Variants in MCTP1 observed in about 807,000 individuals in gnomAD.
MCTP1 encodes the protein multiple C2 and transmembrane domain containing 1, also known as multiple C2 and transmembrane domain-containing protein 1.
Under a neutral mutation model 120.6 loss-of-function variants are expected in MCTP1, and 69 were observed. The observed-to-expected ratio is 0.57, with a 90% CI of 0.47 to 0.70. MCTP1 has a LOEUF of 0.70. MCTP1 is among the 30% of genes least tolerant of loss of function. The pLI is 0.00. For missense variants in MCTP1, 1,203 were observed against 1,248.8 expected, an observed-to-expected ratio of 0.96 and a Z score of 0.55; for synonymous variants, 529 against 493.1, an observed-to-expected ratio of 1.07 and a Z score of -0.96.
At chr5:95,281,320 T>A (rs556317327) in intron 1 of MCTP1, among the ~76,000 whole-genome samples, 1 of 152,340 alleles carries the variant, frequency 6.6e-6, no homozygotes, top group South Asian at 2.1e-4. Context: ...GCTGAATGCA[T>A]CCCCTTCCAG....
rs761206341 is a variant in MCTP1, at chr5:94,710,850, C to T, written c.2798G>A (p.Cys933Tyr). Reference protein sequence around the residue: ...ALCVFTAILYCIPLRYIVLVW... With the variant: ...ALCVFTAILYYIPLRYIVLVW... ...AAGGACAATGTATCTCAGCGGAATG[C>T]AGTACAGGATGGCTGTGAACACACA... The change falls in exon 21 of 23, where the codon TGC (cysteine) becomes TAC (tyrosine). Residue 933 changes from cysteine (C) to tyrosine (Y), a missense_variant. Physicochemically the swap from Cys to Tyr is radical, Grantham distance 194 (BLOSUM62 -2). Around this residue, in one of 2 missense-constraint regions of MCTP1, gnomAD observed 740 missense variants for 871.1 expected, o/e 0.85. Coordinates refer to ENST00000515393, the MANE Select transcript of MCTP1 (RefSeq NM_024717.7). The T allele has an allele frequency of 3.7e-6, 6 of 1,612,634 alleles. No individual in the cohort carries two copies. The highest frequency in any genetic ancestry group is 5.1e-6 in the Non-Finnish European group (6 of 1,179,116).
At chr5:95,104,792 T>C (rs1452327053) in intron 1 of MCTP1, among the ~76,000 whole-genome samples, 3 of 152,222 alleles carry the variant, frequency 2.0e-5, no homozygotes, top group Non-Finnish European at 4.4e-5. Context: ...ATCAAATTTC[T>C]GACTCCATTG....
chr5:94,859,439 G>A (rs1034982677), intron 17 of MCTP1, among the ~76,000 whole-genome samples: 1 of 151,680 alleles, frequency 6.6e-6, no homozygotes, highest in Non-Finnish European at 1.5e-5. Context: ...CAAATAGGTA[G>A]AAGATTTTGA....
In MCTP1 at chr5:94,707,442, C is replaced by T; in HGVS notation, c.*54G>A. The T allele has an allele frequency of 7.3e-7, 1 of 1,374,264 alleles. No individual in the cohort carries two copies. Among genetic ancestry groups the T allele is most frequent in the Non-Finnish European group, 1.0e-6 (1 of 979,156 alleles). 85.1% of individuals were successfully genotyped at this position (1,374,264 alleles called of 1,614,324 possible). ...AAGGAAATGCTGCTGAGGCTGAGGGCTTTTTCTTTTATCTTCCCAAACAGA... is the reference window on the plus strand; with the variant it reads ...AAGGAAATGCTGCTGAGGCTGAGGGTTTTTTCTTTTATCTTCCCAAACAGA... On this transcript the variant is annotated 3_prime_UTR_variant, in exon 23 of 23. Coordinates refer to ENST00000515393, the MANE Select transcript of MCTP1 (RefSeq NM_024717.7).
chr5:94,731,586 C>T lies in MCTP1; in HGVS notation c.2611-16700G>A, dbSNP rs149871889. Among the ~76,000 whole-genome samples, 1,290 of 152,216 alleles carry T rather than the reference C, an allele frequency of 8.5e-3. 11 individuals carry two copies. The highest frequency in any genetic ancestry group is 0.01 in the Middle Eastern group (3 of 294). On this transcript the variant is annotated intron_variant, in intron 19 of 22. Coordinates refer to ENST00000515393, the MANE Select transcript of MCTP1 (RefSeq NM_024717.7). ...TAAATGCCTCTGTTTATGAATGCTCCCTGATTGTAAGCAGGAAAGTTACAA... is the reference window on the plus strand; with the variant it reads ...TAAATGCCTCTGTTTATGAATGCTCTCTGATTGTAAGCAGGAAAGTTACAA...
chr5:95,132,180 A>G (rs1759094098), intron 1 of MCTP1, among the ~76,000 whole-genome samples: 1 of 152,236 alleles, frequency 6.6e-6, no homozygotes, highest in Non-Finnish European at 1.5e-5. Context: ...CTCTCATTAC[A>G]GTCACCAGAA....
intron 2 of MCTP1, among the ~76,000 whole-genome samples, chr5:94,993,156 T>C (rs1161709317): frequency 6.6e-6 from 1 of 152,214 alleles, no homozygotes; most frequent in Non-Finnish European, 1.5e-5. Flanking sequence ...TTAGAAAAAG[T>C]TAAACATACA....
chr5:95,213,482 A>G (rs1752648904), intron 1 of MCTP1, among the ~76,000 whole-genome samples: 1 of 152,154 alleles, frequency 6.6e-6, no homozygotes, highest in Admixed American at 6.5e-5. Flanking sequence ...CAAGCTACCA[A>G]TGACTTTCTT....
intron 17 of MCTP1, among the ~76,000 whole-genome samples, chr5:94,804,039 C>T (rs920069198): frequency 1.3e-5 from 2 of 152,180 alleles, no homozygotes; most frequent in African/African-American, 4.8e-5. Context: ...AAGAAGCCAA[C>T]CAAAGATGCA....
intron 1 of MCTP1, among the ~76,000 whole-genome samples, chr5:95,112,855 G>A (rs1356206947): frequency 6.6e-6 from 1 of 152,058 alleles, no homozygotes; most frequent in African/African-American, 2.4e-5. Flanking sequence ...GAAAATGAAA[G>A]GAATTCTAAA....
intron 1 of MCTP1, among the ~76,000 whole-genome samples, chr5:95,282,486 T>G (rs550064676): frequency 6.6e-5 from 10 of 152,322 alleles, no homozygotes; most frequent in Non-Finnish European, 1.0e-4. Flanking sequence ...CGCTCAAAAA[T>G]AAATACTTCC....
intron 17 of MCTP1, among the ~76,000 whole-genome samples, chr5:94,829,765 G>A (rs1788113864): frequency 6.6e-6 from 1 of 152,218 alleles, no homozygotes; most frequent in Non-Finnish European, 1.5e-5. Flanking sequence ...ATATAGGACA[G>A]AGATGGAATG....
intron 1 of MCTP1, among the ~76,000 whole-genome samples, chr5:95,170,995 C>A (rs1018276406): frequency 3.3e-5 from 5 of 151,972 alleles, no homozygotes; most frequent in African/African-American, 1.2e-4. Flanking sequence ...GATGCAGTTT[C>A]TTCCTAGTCT....
At chr5:95,005,386 T>A (rs187598428) in intron 2 of MCTP1, among the ~76,000 whole-genome samples, 1 of 150,884 alleles carries the variant, frequency 6.6e-6, no homozygotes, top group African/African-American at 2.4e-5. Flanking sequence ...TGGGAAGACA[T>A]GATTGTGTTT....
At chr5:95,054,066 G>A (rs776333792) in intron 1 of MCTP1, among the ~76,000 whole-genome samples, 2 of 152,196 alleles carry the variant, frequency 1.3e-5, no homozygotes, top group Non-Finnish European at 2.9e-5. Context: ...CTATGACTTC[G>A]GAAAATACTG....
intron 1 of MCTP1, among the ~76,000 whole-genome samples, chr5:95,183,467 T>A (rs1255793486): frequency 2.6e-5 from 4 of 151,708 alleles, no homozygotes; most frequent in Non-Finnish European, 4.4e-5. Context: ...GGAAAAACAA[T>A]ACACTGCAAT....
At chr5:95,143,177 T>C (rs331558) in intron 1 of MCTP1, among the ~76,000 whole-genome samples, 80,861 of 151,844 alleles carry the variant, frequency 0.53, 21,698 homozygotes, top group East Asian at 0.6. Flanking sequence ...TAGCAGAATA[T>C]AGAAGAATGG....
intron 3 of MCTP1, among the ~76,000 whole-genome samples, chr5:94,953,011 G>A (rs535359880): frequency 1.3e-5 from 2 of 152,062 alleles, no homozygotes; most frequent in African/African-American, 4.8e-5. Context: ...CTAAATGACT[G>A]GCAAGAGAAC....
At chr5:95,069,175 G>A (rs571934081) in intron 1 of MCTP1, among the ~76,000 whole-genome samples, 10 of 152,276 alleles carry the variant, frequency 6.6e-5, no homozygotes, top group African/African-American at 1.9e-4. Context: ...AAAGGGTGGG[G>A]TGATGGTGAG....
Sources: gnomAD v4.1 joint callset for allele counts (sites outside exome capture counted in the v4.1 genomes callset) on GRCh38, gnomAD v4.1.1 for gene constraint, gnomAD v4.1.1 regional missense constraint, MANE v1.5 for transcripts, NCBI Gene and HGNC (gene_info 2026-07-23, HGNC 2026-07-21) for gene names.